Variants in CTNNA3 observed in about 807,000 individuals in gnomAD.
CTNNA3 encodes catenin alpha 3.
A neutral mutation model predicts 95.7 loss-of-function variants in CTNNA3; 76 were observed. That is an observed-to-expected ratio of 0.79 (90% CI 0.66 to 0.96). The LOEUF is 0.96. Among genes scored for constraint, CTNNA3 ranks in the 40% least tolerant of loss-of-function variants. CTNNA3 has a pLI of 0.00. For synonymous variants in CTNNA3, 431 were observed against 374.4 expected (o/e 1.15, Z -1.74); for missense variants, 1,191 against 1,089.8 (o/e 1.09, Z -1.31).
In CTNNA3 at chr10:66,961,153, G is replaced by A. The variant is rs538185092; in HGVS notation, c.1048-185629C>T. ...CTGCCATCATTTCAAAAAAAGTTAC[G>A]AACATAAACATTATCTTTAAAGCTA... On this transcript the variant is annotated intron_variant, in intron 7 of 17. Coordinates refer to ENST00000433211, the MANE Select transcript of CTNNA3 (RefSeq NM_013266.4). Among the ~76,000 whole-genome samples the A allele has an allele frequency of 4.6e-5, 7 of 152,166 alleles. 1 individual carries two copies. The highest frequency in any genetic ancestry group is 7.2e-5 in the African/African-American group (3 of 41,530).
intron 7 of CTNNA3, among the ~76,000 whole-genome samples, chr10:67,090,563 C>T (rs1429728481): frequency 2.6e-5 from 4 of 152,028 alleles, no homozygotes; most frequent in South Asian, 4.1e-4. Context: ...ACTCACTAGA[C>T]GAGTGATTTT....
At chr10:67,591,334 C>A in intron 3 of CTNNA3, among the ~76,000 whole-genome samples, 1 of 151,788 alleles carries the variant, frequency 6.6e-6, no homozygotes, top group East Asian at 1.9e-4. Flanking sequence ...ATCCAACATA[C>A]CAAAGACAAT....
intron 7 of CTNNA3, among the ~76,000 whole-genome samples, chr10:66,985,181 G>T (rs757586135): frequency 1.3e-5 from 2 of 152,106 alleles, no homozygotes; most frequent in Admixed American, 6.6e-5. Flanking sequence ...TATCAGTCAT[G>T]GGTGAGTAAA....
At chr10:66,447,374 C>T (rs1207899236) in intron 11 of CTNNA3, among the ~76,000 whole-genome samples, 1 of 139,536 alleles carries the variant, frequency 7.2e-6, no homozygotes, top group Non-Finnish European at 1.5e-5. Flanking sequence ...CAAGTCAATC[C>T]TAAGCCAAAA....
At chr10:66,454,375 A>C (rs758291924) in intron 11 of CTNNA3, among the ~76,000 whole-genome samples, 1 of 152,194 alleles carries the variant, frequency 6.6e-6, no homozygotes, top group Non-Finnish European at 1.5e-5. Flanking sequence ...GGAGAAAGCC[A>C]AATTACAATA....
intron 13 of CTNNA3, among the ~76,000 whole-genome samples, chr10:66,269,725 A>G (rs1006141739): frequency 6.6e-5 from 10 of 152,200 alleles, no homozygotes; most frequent in African/African-American, 2.2e-4. Context: ...ACATTCCACA[A>G]ACTCTATCCT....
chr10:67,406,832 T>A lies in CTNNA3; in HGVS notation c.579+115010A>T, dbSNP rs148190433. On this transcript the variant is annotated intron_variant, in intron 5 of 17. Coordinates refer to ENST00000433211, the MANE Select transcript of CTNNA3 (RefSeq NM_013266.4). The stretch of plus-strand genomic sequence containing the variant: ...TGAAAATCTAGAAGAAATGGACAAA[T>A]CCCTGGACACATACACCCTCCCAAG... Among the ~76,000 whole-genome samples, 8 of 151,964 alleles carry A rather than the reference T, an allele frequency of 5.3e-5. No individual in the cohort carries two copies. The East Asian group carries it at 9.7e-4, about 18-fold the overall frequency.
At chr10:67,273,784 CACA>C (rs1216656828) in intron 5 of CTNNA3, among the ~76,000 whole-genome samples, 5 of 152,180 alleles carry the variant, frequency 3.3e-5, no homozygotes, top group South Asian at 4.1e-4. Context: ...TTAAAAATGT[CACA>C]ACAAGTGAAA....
intron 12 of CTNNA3, among the ~76,000 whole-genome samples, chr10:66,315,582 ACAC>A (rs1457138967): frequency 6.6e-6 from 1 of 151,938 alleles, no homozygotes; most frequent in Non-Finnish European, 1.5e-5. Context: ...TTGTTTATAT[ACAC>A]TTGCTAATTA....
At chr10:67,634,097 A>T (rs1839231261) in intron 2 of CTNNA3, among the ~76,000 whole-genome samples, 1 of 152,204 alleles carries the variant, frequency 6.6e-6, no homozygotes, top group Admixed American at 6.5e-5. Flanking sequence ...CAGGTCACCT[A>T]CAAAGGGAAG....
At chr10:67,144,150 T>G (rs548542761) in intron 7 of CTNNA3, among the ~76,000 whole-genome samples, 1 of 152,310 alleles carries the variant, frequency 6.6e-6, no homozygotes, top group African/African-American at 2.4e-5. Flanking sequence ...ATGAGCAATA[T>G]TTTGAAAGGA....
At chr10:66,729,873 G>T (rs867960019) in intron 9 of CTNNA3, among the ~76,000 whole-genome samples, 23 of 152,222 alleles carry the variant, frequency 1.5e-4, no homozygotes, top group Middle Eastern at 3.4e-3. Context: ...GGGAGGCTGA[G>T]GCGGGCGGAT....
At chr10:66,042,916 A>AAAAAAAAAAAAAAC (rs2079730759) in intron 15 of CTNNA3, among the ~76,000 whole-genome samples, 1 of 144,596 alleles carries the variant, frequency 6.9e-6, no homozygotes, top group Non-Finnish European at 1.5e-5. Flanking sequence ...AAAAAAAAAA[A>AAAAAAAAAAAAAAC]AAAAAAAAAA....
intron 15 of CTNNA3, among the ~76,000 whole-genome samples, chr10:66,000,335 G>A (rs376408096): frequency 6.6e-6 from 1 of 151,964 alleles, no homozygotes; most frequent in Non-Finnish European, 1.5e-5. Flanking sequence ...TGATTAAAAC[G>A]AGAAAGAAGA....
At chr10:66,032,702 C>T (rs902034507) in intron 15 of CTNNA3, among the ~76,000 whole-genome samples, 2 of 152,052 alleles carry the variant, frequency 1.3e-5, no homozygotes, top group South Asian at 4.1e-4. Flanking sequence ...CATCTAAAGC[C>T]ATAGGTCAGG....
intron 12 of CTNNA3, among the ~76,000 whole-genome samples, chr10:66,370,136 C>T (rs1045381260): frequency 3.3e-5 from 5 of 152,224 alleles, no homozygotes; most frequent in African/African-American, 1.2e-4. Flanking sequence ...GACATAATAT[C>T]TTGGTTTATT....
At chr10:67,476,193 G>A (rs1848002898) in intron 5 of CTNNA3, among the ~76,000 whole-genome samples, 1 of 152,100 alleles carries the variant, frequency 6.6e-6, no homozygotes. Flanking sequence ...TGCAGCCTGA[G>A]TCGTCCCCAC....
chr10:66,109,824 C>A (rs2082049156), intron 13 of CTNNA3, among the ~76,000 whole-genome samples: 1 of 148,982 alleles, frequency 6.7e-6, no homozygotes, highest in African/African-American at 2.5e-5. Flanking sequence ...ACATATGTAA[C>A]AAACCTACAC....
intron 7 of CTNNA3, among the ~76,000 whole-genome samples, chr10:67,179,662 C>A (rs1044466781): frequency 3.3e-5 from 5 of 152,004 alleles, no homozygotes; most frequent in African/African-American, 1.2e-4. Context: ...AACCCCATCT[C>A]TACAAAAACT....
Sources: allele counts gnomAD v4.1 joint callset (sites outside exome capture counted in the v4.1 genomes callset), GRCh38; gene constraint gnomAD v4.1.1; transcripts MANE v1.5; gene names NCBI Gene and HGNC (gene_info 2026-07-23, HGNC 2026-07-21).